Variants in PIGH observed in about 807,000 individuals in gnomAD.
PIGH encodes phosphatidylinositol glycan anchor biosynthesis class H, also known as phosphatidylinositol N-acetylglucosaminyltransferase subunit H.
In PIGH, 11 loss-of-function variants were observed where a neutral mutation model predicts 20.1. The observed-to-expected ratio is 0.55, with a 90% confidence interval of 0.34 to 0.91. PIGH has a LOEUF of 0.91. PIGH is among the 40% of genes least tolerant of loss of function. The pLI is 0.02. For missense variants in PIGH, 189 were observed against 233.6 expected (o/e 0.81, Z 1.24); for synonymous variants, 72 against 93.1 (o/e 0.77, Z 1.31).
chr14:67,599,830 A>C (rs1594812371), intron 1 of PIGH, among the ~76,000 whole-genome samples, 194 bp downstream of exon 1: 1 of 152,320 alleles, frequency 6.6e-6, no homozygotes, highest in East Asian at 1.9e-4. Flanking sequence ...CCAGGAGCAC[A>C]CATTTCACTA....
At position 67,600,011 on chromosome 14, in the gene PIGH, G is replaced by C. The variant is rs368787375; in HGVS notation, c.180+13C>G. 136 of 1,547,390 alleles carry C rather than the reference G, an allele frequency of 8.8e-5. 1 individual carries two copies. Among genetic ancestry groups the C allele is most frequent in the East Asian group, 7.3e-4 (30 of 40,834 alleles). Reference sequence around the variant, plus strand: ...CCTCCTTCGAGCGCGGGGAGGGGCCGACTTGCCATTACCTCGCAGAGGGTG... The same window carrying C: ...CCTCCTTCGAGCGCGGGGAGGGGCCCACTTGCCATTACCTCGCAGAGGGTG... On this transcript the variant is annotated intron_variant, in intron 1 of 3. Transcript: ENST00000216452.
At position 67,589,698 on chromosome 14, in the gene PIGH, G is replaced by T; in HGVS notation, c.*382C>A. On this transcript the variant is annotated 3_prime_UTR_variant, in exon 4 of 4. Transcript: ENST00000216452. ...GTAACTTTACACAAGGGGTACTATTGGAAAATATAGCTTTCTCAAGACATC... is the reference window on the plus strand; with the variant it reads ...GTAACTTTACACAAGGGGTACTATTTGAAAATATAGCTTTCTCAAGACATC... 1.0e-6 allele frequency: 1 copy of T among 996,322 alleles called. No homozygotes were observed. Among genetic ancestry groups the T allele is most frequent in the Non-Finnish European group, 1.2e-6 (1 of 836,842 alleles). 61.7% of individuals were successfully genotyped at this position (996,322 alleles called of 1,614,324 possible). A position where few individuals can be genotyped will look rare whatever the true frequency, so the allele number is the denominator to read the frequency against.
chr14:67,596,295 ATTTTT>A lies in PIGH; in HGVS notation c.181-2348_181-2344del, dbSNP rs772451900. Among the ~76,000 whole-genome samples, 21 of 60,222 alleles carry A rather than the reference ATTTTT, an allele frequency of 3.5e-4. 1 individual carries two copies. Among genetic ancestry groups the A allele is most frequent in the Admixed American group, 3.0e-4 (1 of 3,346 alleles). The allele number at this position is 60,222 out of a possible 152,430, so 39.5% of individuals were successfully genotyped here. The stretch of plus-strand genomic sequence containing the variant: ...AGGCACCCGCCACCACGCCCAGCTA[ATTTTT>A]TTTTTTTTTTTTTTTTTTTTAGTAG... On this transcript the variant is annotated intron_variant, in intron 1 of 3. Transcript: ENST00000216452.
At chr14:67,598,664 G>T (rs1391801915) in intron 1 of PIGH, among the ~76,000 whole-genome samples, 1 of 151,990 alleles carries the variant, frequency 6.6e-6, no homozygotes, top group Non-Finnish European at 1.5e-5. Context: ...AAATTTTAGG[G>T]GGGCTATCAA....
intron 1 of PIGH, among the ~76,000 whole-genome samples, chr14:67,599,142 T>C (rs1023874408): frequency 1.3e-5 from 2 of 151,730 alleles, no homozygotes; most frequent in Non-Finnish European, 2.9e-5. Flanking sequence ...GATGCAGTAA[T>C]GGAAACAATA....
intron 2 of PIGH, chr14:67,593,513 TAGAAAG>T (rs2036415123): frequency 4.0e-6 from 2 of 502,632 alleles, no homozygotes. Context: ...AGAAAAAAGA[TAGAAAG>T]AGAAGGAAAA....
chr14:67,598,892 T>C (rs2036522109), intron 1 of PIGH, among the ~76,000 whole-genome samples: 1 of 152,056 alleles, frequency 6.6e-6, no homozygotes, highest in African/African-American at 2.4e-5. Flanking sequence ...GAATTTTTCG[T>C]AGAGACGTGG....
At chr14:67,596,682 A>C (rs551572696) in intron 1 of PIGH, among the ~76,000 whole-genome samples, 1 of 152,266 alleles carries the variant, frequency 6.6e-6, no homozygotes, top group African/African-American at 2.4e-5. Context: ...TTGCTGAATC[A>C]GTTTAGAAAG....
chr14:67,598,302 C>T (rs1267619839), intron 1 of PIGH, among the ~76,000 whole-genome samples: 1 of 152,096 alleles, frequency 6.6e-6, no homozygotes, highest in Non-Finnish European at 1.5e-5. Context: ...GCAGAGTACA[C>T]CGGCATGAGA....
At chr14:67,590,597 G>C (rs1160524187) in intron 3 of PIGH, among the ~76,000 whole-genome samples, 1 of 152,186 alleles carries the variant, frequency 6.6e-6, no homozygotes, top group African/African-American at 2.4e-5. Flanking sequence ...GGCCTTAAGT[G>C]ATCTGCCCAC....
At chr14:67,592,223 T>G (rs2036384345) in intron 3 of PIGH, 1 of 256,496 alleles carries the variant, frequency 3.9e-6, no homozygotes, top group Non-Finnish European at 7.7e-6. Context: ...TTGCTTGAAC[T>G]CAGGAGTTCA....
At position 67,589,603 on chromosome 14, in the gene PIGH, T is replaced by C. The variant is rs2036305925; in HGVS notation, c.*477A>G. Reference sequence around the variant, plus strand: ...TAAGCCCTGTACAGAACACAGGCACTAGGTTGACAGACTCGTCTTTTGTAG... The same window carrying C: ...TAAGCCCTGTACAGAACACAGGCACCAGGTTGACAGACTCGTCTTTTGTAG... On this transcript the variant is annotated 3_prime_UTR_variant, in exon 4 of 4. Transcript: ENST00000216452. The C allele has an allele frequency of 4.1e-6, 4 of 986,026 alleles. No individual in the cohort carries two copies. Among genetic ancestry groups the C allele is most frequent in the Admixed American group, 1.2e-4 (2 of 16,462 alleles). 61.1% of individuals were successfully genotyped at this position (986,026 alleles called of 1,614,324 possible).
In PIGH at chr14:67,590,238, T is replaced by A. The variant is rs901094252; in HGVS notation, c.475-66A>T. The A allele has an allele frequency of 5.3e-4, 644 of 1,218,964 alleles. 1 individual carries two copies. The highest frequency in any genetic ancestry group is 6.9e-4 in the Non-Finnish European group (625 of 909,716). 75.5% of individuals were successfully genotyped at this position (1,218,964 alleles called of 1,614,324 possible). ...TATAAGGGAGTGCAGTGGTGCTGCA[T>A]CCACTTGCAAATTTTTTTTTTTTTT... On this transcript the variant is annotated intron_variant, in intron 3 of 3. Transcript: ENST00000216452.
chr14:67,594,512 T>C lies in PIGH; in HGVS notation c.181-560A>G, dbSNP rs545892561. On this transcript the variant is annotated intron_variant, in intron 1 of 3. Transcript: ENST00000216452. ...AAATACAAAAAGTAGCTGGGCGTGT[T>C]GGCACGTGCCTCTAGTCCCAGCTAC... Among the ~76,000 whole-genome samples, 10 of 152,184 alleles carry C rather than the reference T, an allele frequency of 6.6e-5. No individual in the cohort carries two copies. In the East Asian group the frequency reaches 1.6e-3, roughly 24 times the overall value.
intron 2 of PIGH, 133 bp from the exon 3 acceptor site, chr14:67,592,851 T>G: frequency 1.7e-6 from 1 of 592,158 alleles, no homozygotes; most frequent in Non-Finnish European, 3.0e-6. Context: ...AGTGGCGCAA[T>G]CTCGGCTCAC....
chr14:67,590,003 G>T lies in PIGH; in HGVS notation c.*77C>A. The T allele has an allele frequency of 6.8e-7, 1 of 1,475,976 alleles. No homozygotes were observed. Among genetic ancestry groups the T allele is most frequent in the Non-Finnish European group, 9.0e-7 (1 of 1,110,384 alleles). 91.4% of individuals were successfully genotyped at this position (1,475,976 alleles called of 1,614,324 possible). On this transcript the variant is annotated 3_prime_UTR_variant, in exon 4 of 4. Transcript: ENST00000216452. ...AGGACTGTGTCCACCTGATGGTTTG[G>T]AGTACGGAAAACCAGCCCCTATGGC...
rs1368564395 is a variant in PIGH, at chr14:67,589,438, A to C, written c.*642T>G. ...GTAGCTTTTGAACTGATATAAAAAAAAATGCTGAGTAACAGAAAAGTATTA... is the reference window on the plus strand; with the variant it reads ...GTAGCTTTTGAACTGATATAAAAAACAATGCTGAGTAACAGAAAAGTATTA... On this transcript the variant is annotated 3_prime_UTR_variant, in exon 4 of 4. Transcript: ENST00000216452. 1.0e-6 allele frequency: 1 copy of C among 985,312 alleles called. No individual in the cohort carries two copies. Among genetic ancestry groups the C allele is most frequent in the Non-Finnish European group, 1.2e-6 (1 of 829,918 alleles). The allele number at this position is 985,312 out of a possible 1,614,324, so 61.0% of individuals were successfully genotyped here.
intron 3 of PIGH, chr14:67,592,394 T>A: frequency 2.0e-6 from 1 of 489,046 alleles, no homozygotes; most frequent in Non-Finnish European, 3.7e-6. Flanking sequence ...GAGTGGTGAT[T>A]GTCACTGCAC....
At chr14:67,598,392 T>G (rs1429639859) in intron 1 of PIGH, among the ~76,000 whole-genome samples, 1 of 152,150 alleles carries the variant, frequency 6.6e-6, no homozygotes, top group Non-Finnish European at 1.5e-5. Context: ...TACAATGGTA[T>G]AAAGGAAAAG....
Sources: gnomAD v4.1 joint callset for allele counts (sites outside exome capture counted in the v4.1 genomes callset) on GRCh38, gnomAD v4.1.1 for gene constraint, MANE v1.5 for transcripts, NCBI Gene and HGNC (gene_info 2026-07-23, HGNC 2026-07-21) for gene names.